TEAD1: variants seen among roughly 807,000 people sequenced by gnomAD.
The protein encoded by TEAD1 is transcriptional enhancer factor TEF-1.
Under a neutral mutation model 54.9 loss-of-function variants are expected in TEAD1, and 9 were observed. The observed-to-expected ratio is 0.16, with a 90% CI of 0.10 to 0.29. The LOEUF (loss-of-function observed/expected upper bound fraction) is 0.29, where lower values mean the gene tolerates loss of function less well. Among genes scored for constraint, TEAD1 ranks in the 10% least tolerant of loss-of-function variants. TEAD1 has a pLI of 1.00. For synonymous variants in TEAD1, 200 were observed against 187.8 expected, an observed-to-expected ratio of 1.07 and a Z score of -0.53; for missense variants, 387 against 535.9, an observed-to-expected ratio of 0.72 and a Z score of 2.74.
At chr11:12,719,825 A>G (rs905449848) in intron 2 of TEAD1, among the ~76,000 whole-genome samples, 8 of 152,110 alleles carry the variant, frequency 5.3e-5, no homozygotes, top group African/African-American at 1.9e-4. Flanking sequence ...ATGGTTTGTG[A>G]AAAAACATTG....
chr11:12,897,003 C>G (rs1263767710), intron 9 of TEAD1, among the ~76,000 whole-genome samples: 2 of 152,128 alleles, frequency 1.3e-5, no homozygotes, highest in East Asian at 3.9e-4. Flanking sequence ...CTAGGGGACT[C>G]TTTTGGAGAA....
intron 3 of TEAD1, among the ~76,000 whole-genome samples, chr11:12,780,594 G>A (rs1408496597): frequency 6.6e-6 from 1 of 152,044 alleles, no homozygotes; most frequent in Non-Finnish European, 1.5e-5. Flanking sequence ...ATGAAATAAA[G>A]CAATTTTATT....
At chr11:12,844,035 A>T (rs1947091740) in intron 3 of TEAD1, among the ~76,000 whole-genome samples, 1 of 152,154 alleles carries the variant, frequency 6.6e-6, no homozygotes, top group South Asian at 2.1e-4. Context: ...TATTCAAGTT[A>T]TTTTCTTTGG....
At chr11:12,758,129 C>G (rs992849287) in intron 2 of TEAD1, among the ~76,000 whole-genome samples, 1 of 151,890 alleles carries the variant, frequency 6.6e-6, no homozygotes, top group Non-Finnish European at 1.5e-5. Context: ...ATGGTACTGG[C>G]GCTAGGGACA....
intron 3 of TEAD1, among the ~76,000 whole-genome samples, chr11:12,800,513 C>T (rs1349953368): frequency 1.3e-5 from 2 of 152,156 alleles, no homozygotes; most frequent in Non-Finnish European, 2.9e-5. Flanking sequence ...GTTAGAGATA[C>T]GTTCAGAGGG....
Position 12,935,974 on chromosome 11 carries a change from G to A in TEAD1, c.1168-1135G>A, listed in dbSNP as rs541439589. On this transcript the variant is annotated intron_variant, in intron 12 of 12. Coordinates refer to ENST00000527636, the MANE Select transcript of TEAD1 (RefSeq NM_021961.6). ...TTCTTTAAGTAGGGACTGGAAGCTTGGATACCTTAAGAGCAAGGGAAACTA... is the reference window on the plus strand; with the variant it reads ...TTCTTTAAGTAGGGACTGGAAGCTTAGATACCTTAAGAGCAAGGGAAACTA... Among the ~76,000 whole-genome samples, 226 of 152,208 alleles carry A rather than the reference G, an allele frequency of 1.5e-3. 1 individual carries two copies. Among genetic ancestry groups the A allele is most frequent in the African/African-American group, 5.2e-3 (214 of 41,536 alleles).
At position 12,748,240 on chromosome 11, in the gene TEAD1, G is replaced by T. The variant is rs571265523; in HGVS notation, c.-54-15939G>T. The stretch of plus-strand genomic sequence containing the variant: ...GCCTCCCAAAGTGCTGGGATTACAG[G>T]CGTGAGCCGCTGCGCCTGGTCTAAT... On this transcript the variant is annotated intron_variant, in intron 2 of 12. Transcript: ENST00000527636. Among the ~76,000 whole-genome samples, 5 of 152,318 alleles carry T rather than the reference G, an allele frequency of 3.3e-5. No individual in the cohort carries two copies. In the South Asian group the frequency reaches 1.0e-3, roughly 32 times the overall value.
At chr11:12,679,232 C>A (rs753252451) in intron 2 of TEAD1, among the ~76,000 whole-genome samples, 2 of 152,074 alleles carry the variant, frequency 1.3e-5, no homozygotes, top group Admixed American at 1.3e-4. Flanking sequence ...TGCACTACAC[C>A]CACCCCGCCT....
intron 3 of TEAD1, among the ~76,000 whole-genome samples, chr11:12,773,527 C>T (rs1945355094): frequency 6.6e-6 from 1 of 152,180 alleles, no homozygotes; most frequent in Admixed American, 6.5e-5. Flanking sequence ...CGATGTTGAA[C>T]ATCTTTTCAT....
chr11:12,804,392 C>A (rs1276287281), intron 3 of TEAD1, among the ~76,000 whole-genome samples: 5 of 152,174 alleles, frequency 3.3e-5, no homozygotes, highest in Non-Finnish European at 7.3e-5. Context: ...CTCTGAAAAC[C>A]TTATTAAGCA....
chr11:12,760,336 A>G (rs2133920480), intron 2 of TEAD1, among the ~76,000 whole-genome samples: 1 of 152,326 alleles, frequency 6.6e-6, no homozygotes, highest in Non-Finnish European at 1.5e-5. Flanking sequence ...TGTTATTTGC[A>G]TTTAACAAAT....
At chr11:12,886,452 T>C (rs1948088539) in intron 9 of TEAD1, among the ~76,000 whole-genome samples, 1 of 152,156 alleles carries the variant, frequency 6.6e-6, no homozygotes, top group Non-Finnish European at 1.5e-5. Flanking sequence ...TGGGAGAAAT[T>C]AGAATTTATT....
chr11:12,675,931 C>G (rs1943076081), intron 2 of TEAD1, among the ~76,000 whole-genome samples: 1 of 152,084 alleles, frequency 6.6e-6, no homozygotes, highest in Non-Finnish European at 1.5e-5. Flanking sequence ...CAATGAAATA[C>G]CAGCCACCAG....
In TEAD1 at chr11:12,676,320, G is replaced by A. The variant is rs780577364; in HGVS notation, c.-55+759G>A. 6.6e-5 allele frequency among the ~76,000 whole-genome samples: 10 copies of A among 152,330 alleles called. No homozygotes were observed. In the South Asian group the frequency reaches 1.9e-3, roughly 28 times the overall value. The stretch of plus-strand genomic sequence containing the variant: ...CTGGTTGCCTGCAATGGTTACCTGA[G>A]TAGACATATCCCTCCCTTCAGGGAG... On this transcript the variant is annotated intron_variant, in intron 2 of 12. Coordinates refer to ENST00000527636, the MANE Select transcript of TEAD1 (RefSeq NM_021961.6).
chr11:12,783,335 G>C (rs1016217236), intron 3 of TEAD1, among the ~76,000 whole-genome samples: 1 of 151,978 alleles, frequency 6.6e-6, no homozygotes, highest in African/African-American at 2.4e-5. Flanking sequence ...CTAGAGCCTA[G>C]CCCTCATGCT....
At chr11:12,829,957 A>G (rs1315260127) in intron 3 of TEAD1, among the ~76,000 whole-genome samples, 1 of 152,172 alleles carries the variant, frequency 6.6e-6, no homozygotes, top group Non-Finnish European at 1.5e-5. Flanking sequence ...GGGCAGGGAC[A>G]TTTCTGAGAA....
intron 3 of TEAD1, among the ~76,000 whole-genome samples, chr11:12,781,809 T>A (rs897605006): frequency 6.6e-6 from 1 of 151,058 alleles, no homozygotes; most frequent in African/African-American, 2.4e-5. Flanking sequence ...CCAAAAGAAA[T>A]GAAAACAGAT....
intron 2 of TEAD1, among the ~76,000 whole-genome samples, chr11:12,703,955 C>G (rs991463316): frequency 2.0e-5 from 3 of 152,160 alleles, no homozygotes; most frequent in Non-Finnish European, 4.4e-5. Flanking sequence ...TTGGCTAAAA[C>G]CCTAAATTCC....
intron 3 of TEAD1, among the ~76,000 whole-genome samples, chr11:12,837,371 C>G (rs140976131): frequency 6.6e-6 from 1 of 152,270 alleles, no homozygotes; most frequent in South Asian, 2.1e-4. Flanking sequence ...TCCTCAGTAA[C>G]GGACAGGGCA....
Sources: allele counts gnomAD v4.1 joint callset (sites outside exome capture counted in the v4.1 genomes callset), GRCh38; gene constraint gnomAD v4.1.1; transcripts MANE v1.5; gene names NCBI Gene and HGNC (gene_info 2026-07-23, HGNC 2026-07-21).